The following TBC1D5 variants were observed in gnomAD, a reference collection of about 807,000 sequenced individuals.
The protein encoded by TBC1D5 is TBC1 domain family member 5, also known as TBC1 domain family, member 5.
Under a neutral mutation model 100.3 loss-of-function variants are expected in TBC1D5, and 75 were observed. The observed-to-expected ratio is 0.75, with a 90% CI of 0.62 to 0.91. The LOEUF is 0.91. Among genes scored for constraint, TBC1D5 ranks in the 40% least tolerant of loss-of-function variants. The pLI, the probability that TBC1D5 is intolerant of heterozygous loss-of-function variation, is 0.00. For synonymous variants in TBC1D5, 323 were observed against 325.6 expected (o/e 0.99, Z 0.09); for missense variants, 910 against 942.4 (o/e 0.97, Z 0.45).
At chr3:17,242,295 T>C (rs1261988211) in intron 16 of TBC1D5, among the ~76,000 whole-genome samples, 3 of 152,182 alleles carry the variant, frequency 2.0e-5, no homozygotes, top group African/African-American at 7.2e-5. Flanking sequence ...TCTAAATATT[T>C]ACAAAATTCT....
intron 1 of TBC1D5, among the ~76,000 whole-genome samples, chr3:17,725,058 T>C (rs1335973716): frequency 6.6e-6 from 1 of 152,222 alleles, no homozygotes; most frequent in African/African-American, 2.4e-5. Context: ...ACAGTTGTTT[T>C]ATAATCTCTG....
chr3:17,450,876 T>A (rs1440316983), intron 3 of TBC1D5, among the ~76,000 whole-genome samples: 1 of 152,032 alleles, frequency 6.6e-6, no homozygotes, highest in Non-Finnish European at 1.5e-5. Context: ...ATTCAGGAAA[T>A]ACAGAATATA....
intron 3 of TBC1D5, among the ~76,000 whole-genome samples, chr3:17,485,274 AT>A (rs1326775898): frequency 6.6e-6 from 1 of 150,760 alleles, no homozygotes; most frequent in Admixed American, 6.6e-5. Context: ...TAAAGATAGA[AT>A]TTTTTTAGTA....
chr3:17,231,698 TG>T (rs368045555), intron 17 of TBC1D5, among the ~76,000 whole-genome samples: 33 of 152,302 alleles, frequency 2.2e-4, no homozygotes, highest in African/African-American at 7.9e-4. Flanking sequence ...CCTTGCTTCT[TG>T]GTACTCTTCA....
At chr3:17,318,571 AG>A (rs1352901400) in intron 13 of TBC1D5, among the ~76,000 whole-genome samples, 2 of 152,200 alleles carry the variant, frequency 1.3e-5, no homozygotes, top group Non-Finnish European at 2.9e-5. Flanking sequence ...GAAGCTGGGC[AG>A]GAACAGGCAT....
chr3:17,341,008 C>A (rs1231406518), intron 13 of TBC1D5, among the ~76,000 whole-genome samples: 1 of 152,142 alleles, frequency 6.6e-6, no homozygotes, highest in South Asian at 2.1e-4. Flanking sequence ...AGAAGTCCCT[C>A]AATTTTGCAT....
chr3:17,698,347 A>G (rs1276315705), intron 1 of TBC1D5, among the ~76,000 whole-genome samples: 1 of 151,808 alleles, frequency 6.6e-6, no homozygotes, highest in Non-Finnish European at 1.5e-5. Context: ...CATATGGAGA[A>G]AGCTGAAACT....
intron 15 of TBC1D5, among the ~76,000 whole-genome samples, chr3:17,274,511 A>G (rs1203328064): frequency 6.6e-6 from 1 of 152,232 alleles, no homozygotes; most frequent in African/African-American, 2.4e-5. Flanking sequence ...GAAATGTTCA[A>G]TTAGAACCTT....
intron 2 of TBC1D5, among the ~76,000 whole-genome samples, chr3:17,548,797 A>G (rs1560137181): frequency 6.6e-6 from 1 of 152,218 alleles, no homozygotes; most frequent in Non-Finnish European, 1.5e-5. Context: ...ATAAAGAATT[A>G]TATGTGTTAC....
intron 1 of TBC1D5, among the ~76,000 whole-genome samples, chr3:17,709,364 TC>T (rs1297160329): frequency 1.3e-5 from 2 of 152,006 alleles, no homozygotes; most frequent in African/African-American, 4.8e-5. Context: ...AAAAATGGAG[TC>T]AGATTGAATC....
chr3:17,705,033 G>A (rs1197566872), intron 1 of TBC1D5, among the ~76,000 whole-genome samples: 1 of 129,802 alleles, frequency 7.7e-6, no homozygotes, highest in African/African-American at 2.9e-5. Context: ...CGGACGGGGC[G>A]GCTGGCCAGG....
chr3:17,296,674 G>C (rs1192076871), intron 14 of TBC1D5, among the ~76,000 whole-genome samples: 3 of 152,308 alleles, frequency 2.0e-5, no homozygotes, highest in African/African-American at 7.2e-5. Context: ...GTAAGATTTT[G>C]TCTTTCTGGG....
intron 8 of TBC1D5, among the ~76,000 whole-genome samples, 175 bp downstream of exon 8, chr3:17,403,006 C>A (rs1449944179): frequency 6.6e-6 from 1 of 151,958 alleles, no homozygotes; most frequent in Non-Finnish European, 1.5e-5. Context: ...AAATGTGTAT[C>A]ATTAGAGTAG....
At chr3:17,445,220 A>G (rs963008666) in intron 3 of TBC1D5, among the ~76,000 whole-genome samples, 1 of 152,152 alleles carries the variant, frequency 6.6e-6, no homozygotes, top group Non-Finnish European at 1.5e-5. Context: ...TTTTCCATGG[A>G]TTAAAACAGT....
chr3:17,481,225 C>T (rs2095497989), intron 3 of TBC1D5, among the ~76,000 whole-genome samples: 1 of 152,228 alleles, frequency 6.6e-6, no homozygotes, highest in South Asian at 2.1e-4. Context: ...CCTAGGGCTG[C>T]CCGCCCCACC....
Position 17,185,330 on chromosome 3 carries a change from C to A in TBC1D5, c.1753-122G>T, listed in dbSNP as rs947562610. The A allele has an allele frequency of 2.3e-5, 16 of 682,706 alleles. No individual in the cohort carries two copies. In the East Asian group the frequency reaches 4.7e-4, roughly 20 times the overall value. 42.3% of individuals were successfully genotyped at this position (682,706 alleles called of 1,614,324 possible). ...GATACCTTTTTAAACCTAGACAAAT[C>A]TAAATAGCAAACAAAAACAAAATCA... On this transcript the variant is annotated intron_variant, in intron 18 of 21. Transcript: ENST00000253692.
Position 17,550,748 on chromosome 3 carries a change from C to T in TBC1D5, c.-35-42143G>A, listed in dbSNP as rs187464051. 5.3e-5 allele frequency among the ~76,000 whole-genome samples: 8 copies of T among 152,208 alleles called. No homozygotes were observed. The East Asian group carries it at 1.5e-3, about 29-fold the overall frequency. On this transcript the variant is annotated intron_variant, in intron 2 of 21. Coordinates refer to ENST00000253692, the Ensembl canonical transcript of TBC1D5. ...GGGGCAATCTAACTACTGTGAGTCA[C>T]AAAATGTTATTTTGCCATAAAGATA... is the stretch of plus-strand genomic sequence containing the variant.
chr3:17,277,740 GGA>G (rs906969486), intron 15 of TBC1D5, among the ~76,000 whole-genome samples: 7 of 152,120 alleles, frequency 4.6e-5, no homozygotes, highest in African/African-American at 1.4e-4. Context: ...TTTTGCATTA[GGA>G]ATCTGCAAGA....
At chr3:17,390,904 T>C (rs1245583970) in intron 8 of TBC1D5, among the ~76,000 whole-genome samples, 1 of 152,138 alleles carries the variant, frequency 6.6e-6, no homozygotes, top group Non-Finnish European at 1.5e-5. Context: ...CAACCAAACC[T>C]GTTTTCTCTT....
Sources: gnomAD v4.1 joint callset for allele counts (sites outside exome capture counted in the v4.1 genomes callset) on GRCh38, gnomAD v4.1.1 for gene constraint, MANE v1.5 for transcripts, NCBI Gene and HGNC (gene_info 2026-07-23, HGNC 2026-07-21) for gene names.